Variants in TLR6 observed in about 807,000 individuals in gnomAD.
TLR6 encodes toll like receptor 6.
Under a neutral mutation model 16.1 loss-of-function variants are expected in TLR6, and 9 were observed. The observed-to-expected ratio is 0.56, with a 90% CI of 0.34 to 0.98. TLR6 has a LOEUF of 0.98. Ranked by LOEUF, TLR6 falls within the 50% of genes least tolerant of loss-of-function variation. TLR6 has a pLI of 0.02. For synonymous variants in TLR6, 340 were observed against 338.6 expected, an observed-to-expected ratio of 1.00 and a Z score of -0.04; for missense variants, 786 against 921.0, an observed-to-expected ratio of 0.85 and a Z score of 1.90.
At chr4:38,823,652 G>C (rs1380792848), downstream of TLR6, 1 of 152,216 alleles carries the variant, frequency 6.6e-6, no homozygotes, top group Admixed American at 6.5e-5. Context: ...TACTTTATTT[G>C]TATGGATTTT....
intron 1 of TLR6, among the ~76,000 whole-genome samples, chr4:38,852,317 T>A (rs1451946359): frequency 1.3e-5 from 2 of 152,170 alleles, no homozygotes. Context: ...GACATAGGCA[T>A]GGGCAAGGAC....
chr4:38,842,784 T>C (rs1398736693), intron 1 of TLR6, among the ~76,000 whole-genome samples: 1 of 152,116 alleles, frequency 6.6e-6, no homozygotes, highest in Non-Finnish European at 1.5e-5. Flanking sequence ...CGTTGGTAAT[T>C]AGGTTTCAAC....
At chr4:38,858,792 G>GGAGA (rs56086259), upstream of TLR6, among the ~76,000 whole-genome samples, 1 of 18,112 alleles carries the variant, frequency 5.5e-5, no homozygotes, top group Non-Finnish European at 1.0e-4. Context: ...AGAGAGAGAG[G>GGAGA]GAGAGAGAGA....
At chr4:38,851,367 G>C (rs1712764487) in intron 1 of TLR6, among the ~76,000 whole-genome samples, 1 of 152,142 alleles carries the variant, frequency 6.6e-6, no homozygotes, top group South Asian at 2.1e-4. Flanking sequence ...ATTCAACATA[G>C]TGTTGGAAGT....
At chr4:38,853,437 A>C (rs1712850592) in intron 1 of TLR6, among the ~76,000 whole-genome samples, 1 of 152,210 alleles carries the variant, frequency 6.6e-6, no homozygotes, top group Admixed American at 6.5e-5. Flanking sequence ...CACTGTAATA[A>C]AGAAAAAAAA....
chr4:38,836,133 C>T lies in TLR6; in HGVS notation c.-64-6596G>A, dbSNP rs367569528. On this transcript the variant is annotated intron_variant, in intron 1 of 1. Coordinates refer to ENST00000436693, the Ensembl canonical transcript of TLR6. ...GGAGAAAGAAAGAAATACTAAAGCT[C>T]AGAGAACTAAACAAAAGAGATATTT... Among the ~76,000 whole-genome samples the T allele has an allele frequency of 1.1e-4, 16 of 151,646 alleles. No homozygotes were observed. In the East Asian group the frequency reaches 2.5e-3, roughly 24 times the overall value.
chr4:38,839,034 GAGAGAGAAAGAAAGAAAA>G (rs1459965439), intron 1 of TLR6, among the ~76,000 whole-genome samples: 1 of 134,128 alleles, frequency 7.5e-6, no homozygotes, highest in Non-Finnish European at 1.5e-5. Flanking sequence ...AGTTAAGAAA[GAGAGAGAAAGAAAGAAAA>G]AGAGAGAAAG....
the TLR6 span, among the ~76,000 whole-genome samples, chr4:38,867,135 A>G: frequency 1.3e-5 from 2 of 152,226 alleles, no homozygotes; most frequent in Non-Finnish European, 2.9e-5. Flanking sequence ...GCTACAACAT[A>G]TTCGATGTCT....
chr4:38,860,091 A>G (rs1052151835), upstream of TLR6, among the ~76,000 whole-genome samples: 5 of 152,178 alleles, frequency 3.3e-5, no homozygotes, highest in Non-Finnish European at 7.3e-5. Flanking sequence ...ATAAATAAAT[A>G]AATAAATATT....
chr4:38,855,024 G>A (rs1712922142), intron 1 of TLR6, among the ~76,000 whole-genome samples: 3 of 151,960 alleles, frequency 2.0e-5, no homozygotes, highest in Non-Finnish European at 4.4e-5. Context: ...CCTGGCTAAC[G>A]GTGAAACCCC....
chr4:38,862,874 C>T, the TLR6 span, among the ~76,000 whole-genome samples: 1 of 141,388 alleles, frequency 7.1e-6, no homozygotes, highest in Non-Finnish European at 1.5e-5. Context: ...GGATTACGGG[C>T]ATGAACCACT....
chr4:38,862,950 A>C, the TLR6 span, among the ~76,000 whole-genome samples: 1 of 151,326 alleles, frequency 6.6e-6, no homozygotes, highest in African/African-American at 2.4e-5. Context: ...AAAAAAAAAA[A>C]AAAACTCCCT....
intron 1 of TLR6, among the ~76,000 whole-genome samples, chr4:38,833,036 G>C (rs1711701807): frequency 6.6e-6 from 1 of 151,896 alleles, no homozygotes; most frequent in African/African-American, 2.4e-5. Context: ...GTGCCACACA[G>C]GGTGTGGCAC....
intron 1 of TLR6, among the ~76,000 whole-genome samples, chr4:38,849,266 C>T (rs969381895): frequency 1.3e-5 from 2 of 152,290 alleles, no homozygotes; most frequent in African/African-American, 2.4e-5. Context: ...CCTAAAAGAG[C>T]TCCTGAAGGA....
upstream of TLR6, among the ~76,000 whole-genome samples, chr4:38,858,814 G>GAGA (rs1234903987): frequency 3.3e-5 from 1 of 30,478 alleles, no homozygotes; most frequent in Admixed American, 3.5e-4. Flanking sequence ...AGAGAGAGAG[G>GAGA]GAGAGAGAGA....
At chr4:38,828,306 T>G (rs749335696) in exon 2 of TLR6, 1 of 1,613,506 alleles carries the variant, frequency 6.2e-7, no homozygotes, top group African/African-American at 1.3e-5. Flanking sequence ...AAAAGGTCTT[T>G]TAATCCATTC....
chr4:38,850,705 C>A (rs1021592952), intron 1 of TLR6, among the ~76,000 whole-genome samples: 1 of 152,174 alleles, frequency 6.6e-6, no homozygotes, highest in African/African-American at 2.4e-5. Flanking sequence ...CTGAATAGGC[C>A]AATAACAGGC....
upstream of TLR6, among the ~76,000 whole-genome samples, chr4:38,858,392 G>T (rs1279767751): frequency 6.6e-6 from 1 of 152,124 alleles, no homozygotes; most frequent in Non-Finnish European, 1.5e-5. Flanking sequence ...ATGCTGAGGG[G>T]TAAAGATTTC....
chr4:38,864,273 T>C, the TLR6 span, among the ~76,000 whole-genome samples: 1 of 152,242 alleles, frequency 6.6e-6, no homozygotes, highest in South Asian at 2.1e-4. Context: ...ATACCAGGAG[T>C]TTGCTTTGCT....
Sources: gnomAD v4.1 joint callset for allele counts (sites outside exome capture counted in the v4.1 genomes callset) on GRCh38, gnomAD v4.1.1 for gene constraint, MANE v1.5 for transcripts, NCBI Gene and HGNC (gene_info 2026-07-23, HGNC 2026-07-21) for gene names.